Variants in STK33 observed in about 807,000 individuals in gnomAD.
STK33 encodes serine/threonine-protein kinase 33.
A neutral mutation model predicts 58.0 loss-of-function variants in STK33; 52 were observed. That is an observed-to-expected ratio of 0.90 (90% CI 0.72 to 1.13). The LOEUF (loss-of-function observed/expected upper bound fraction) is 1.13, where lower values mean the gene tolerates loss of function less well. Among genes scored for constraint, STK33 ranks in the 50% most tolerant of loss-of-function variants. The probability of loss-of-function intolerance (pLI) is 0.00; values close to 1 mark genes in which losing one functional copy is unlikely to be tolerated. For missense variants in STK33, 630 were observed against 604.2 expected (o/e 1.04, Z -0.45); for synonymous variants, 215 against 200.1 (o/e 1.07, Z -0.63).
the STK33 span, among the ~76,000 whole-genome samples, chr11:8,379,065 T>C: frequency 1.3e-5 from 2 of 152,118 alleles, no homozygotes; most frequent in Non-Finnish European, 2.9e-5. Flanking sequence ...ATCTAATAAA[T>C]AGTGCTGGGA....
At chr11:8,525,678 G>A (rs947511494) in intron 1 of STK33, among the ~76,000 whole-genome samples, 5 of 151,934 alleles carry the variant, frequency 3.3e-5, no homozygotes, top group Non-Finnish European at 5.9e-5. Context: ...ATGACCCTGG[G>A]GTACAAAAAG....
At chr11:8,591,506 G>A (rs2032586649) in intron 1 of STK33, among the ~76,000 whole-genome samples, 1 of 152,108 alleles carries the variant, frequency 6.6e-6, no homozygotes, top group Non-Finnish European at 1.5e-5. Context: ...CAATTGTGGG[G>A]AAGATGCCCC....
At chr11:8,389,301 G>A (rs180801047), downstream of STK33, among the ~76,000 whole-genome samples, 8 of 152,340 alleles carry the variant, frequency 5.3e-5, no homozygotes, top group South Asian at 2.1e-4. Flanking sequence ...GGAGGCACTC[G>A]GGAGTCAGCG....
At chr11:8,428,809 T>C (rs1943075168) in intron 14 of STK33, among the ~76,000 whole-genome samples, 1 of 152,182 alleles carries the variant, frequency 6.6e-6, no homozygotes, top group Non-Finnish European at 1.5e-5. Flanking sequence ...ATTTCCAATA[T>C]GATACTGTTA....
chr11:8,589,714 G>A (rs1182430539), intron 1 of STK33, among the ~76,000 whole-genome samples: 2 of 152,154 alleles, frequency 1.3e-5, no homozygotes, highest in African/African-American at 2.4e-5. Context: ...CATATTATAT[G>A]TACCATCAAA....
At chr11:8,452,356 G>A (rs1946389833) in intron 11 of STK33, among the ~76,000 whole-genome samples, 2 of 152,246 alleles carry the variant, frequency 1.3e-5, no homozygotes, top group South Asian at 2.1e-4. Context: ...TTTAAAGGTA[G>A]GAACTGTAAG....
At position 8,452,830 on chromosome 11, in the gene STK33, A is replaced by G. The variant is rs752738622; in HGVS notation, c.863T>C (p.Ile288Thr). The G allele has an allele frequency of 6.2e-7, 1 of 1,613,850 alleles. No individual in the cohort carries two copies. The highest frequency in any genetic ancestry group is 2.2e-5 in the East Asian group (1 of 44,876). The change falls in exon 11 of 16, where the codon ATC (isoleucine) becomes ACC (threonine). Residue 288 changes from isoleucine (I) to threonine (T), a missense_variant. Transcript: ENST00000687296. ...AMLQATCGTP[I>T]YMAPEVISAH... is the part of the protein sequence containing the mutation. ...TAAGTCTACTAACTTACCCATATAG[A>G]TAGGAGTCCCACATGTGGCCTGCAG...
intron 1 of STK33, among the ~76,000 whole-genome samples, chr11:8,515,756 GA>G (rs1317492043): frequency 6.6e-6 from 1 of 152,092 alleles, no homozygotes; most frequent in Non-Finnish European, 1.5e-5. Flanking sequence ...AATAGATGCA[GA>G]GAAGCATTTG....
At chr11:8,408,284 T>C (rs554891329) in intron 15 of STK33, among the ~76,000 whole-genome samples, 46 of 152,270 alleles carry the variant, frequency 3.0e-4, no homozygotes, top group East Asian at 1.9e-4. Context: ...TGGTTCTCTA[T>C]AGAGAAAGGA....
intron 11 of STK33, among the ~76,000 whole-genome samples, chr11:8,452,600 CAGTG>C (rs1253471525): frequency 6.6e-6 from 1 of 151,866 alleles, no homozygotes; most frequent in Non-Finnish European, 1.5e-5. Flanking sequence ...CCCGGGCAAA[CAGTG>C]AGACTGCTAT....
chr11:8,345,553 G>T, the STK33 span, among the ~76,000 whole-genome samples: 2 of 152,256 alleles, frequency 1.3e-5, no homozygotes, highest in Admixed American at 1.3e-4. Context: ...ATAGCATGCG[G>T]TTTGGGTGTG....
intron 14 of STK33, among the ~76,000 whole-genome samples, chr11:8,419,427 T>C (rs878913484): frequency 6.6e-6 from 1 of 152,188 alleles, no homozygotes; most frequent in Non-Finnish European, 1.5e-5. Flanking sequence ...CTCTATTCTG[T>C]TCCATTGGTC....
intron 14 of STK33, among the ~76,000 whole-genome samples, chr11:8,419,178 T>C (rs745789952): frequency 7.9e-5 from 12 of 152,208 alleles, no homozygotes; most frequent in Non-Finnish European, 1.5e-4. Context: ...CAGAATGGTG[T>C]TGCCTAGATT....
the STK33 span, among the ~76,000 whole-genome samples, chr11:8,365,697 C>T: frequency 1.3e-5 from 2 of 152,204 alleles, no homozygotes; most frequent in Admixed American, 6.5e-5. Context: ...ACCTTTCCCA[C>T]GTTTCTCTCC....
the STK33 span, among the ~76,000 whole-genome samples, chr11:8,349,079 C>G: frequency 6.6e-6 from 1 of 152,086 alleles, no homozygotes; most frequent in Non-Finnish European, 1.5e-5. Flanking sequence ...AGAGCTGCCT[C>G]CCACCGCCAG....
the STK33 span, among the ~76,000 whole-genome samples, chr11:8,357,601 C>T: frequency 6.6e-5 from 10 of 152,174 alleles, no homozygotes; most frequent in South Asian, 2.1e-4. Flanking sequence ...AACCTGGGCT[C>T]GGAACCGCGG....
At chr11:8,567,954 G>A (rs1957555983) in intron 1 of STK33, among the ~76,000 whole-genome samples, 1 of 152,060 alleles carries the variant, frequency 6.6e-6, no homozygotes, top group Non-Finnish European at 1.5e-5. Flanking sequence ...TCTGACTAAT[G>A]ACTAAAAAAT....
chr11:8,560,443 T>G (rs769167457), intron 1 of STK33, among the ~76,000 whole-genome samples: 17 of 151,312 alleles, frequency 1.1e-4, no homozygotes, highest in Non-Finnish European at 1.6e-4. Context: ...CAGTGATCCC[T>G]AAATATTAAT....
intron 14 of STK33, among the ~76,000 whole-genome samples, chr11:8,417,815 G>C (rs1003157643): frequency 5.3e-5 from 8 of 152,144 alleles, no homozygotes; most frequent in Non-Finnish European, 1.2e-4. Context: ...GTGTCGGTGA[G>C]GGTGTGGAGG....
Sources: allele counts gnomAD v4.1 joint callset (sites outside exome capture counted in the v4.1 genomes callset), GRCh38; gene constraint gnomAD v4.1.1; transcripts MANE v1.5; gene names NCBI Gene and HGNC (gene_info 2026-07-23, HGNC 2026-07-21).